The following TBC1D32 variants were observed in gnomAD, a reference collection of about 807,000 sequenced individuals.
TBC1D32 encodes protein broad-minded.
In TBC1D32, 151 loss-of-function variants were observed where a neutral mutation model predicts 170.3. That is an observed-to-expected ratio of 0.89 (90% CI 0.78 to 1.01). The LOEUF (loss-of-function observed/expected upper bound fraction) is 1.01. Ranked by LOEUF, TBC1D32 falls within the 50% of genes least tolerant of loss-of-function variation. The pLI is 0.00. For synonymous variants in TBC1D32, 498 were observed against 488.0 expected, an observed-to-expected ratio of 1.02 and a Z score of -0.27; for missense variants, 1,464 against 1,457.1, an observed-to-expected ratio of 1.00 and a Z score of -0.08.
chr6:121,246,561 T>A (rs1797641028), intron 17 of TBC1D32, among the ~76,000 whole-genome samples: 1 of 151,656 alleles, frequency 6.6e-6, no homozygotes, highest in Admixed American at 6.6e-5. Context: ...AGGTAAATAA[T>A]TCGGGAGGTT....
chr6:121,314,668 T>C (rs1454958890), intron 3 of TBC1D32, among the ~76,000 whole-genome samples: 2 of 152,136 alleles, frequency 1.3e-5, no homozygotes, highest in African/African-American at 4.8e-5. Context: ...TACTAATTAC[T>C]GCGGAGGAAG....
chr6:121,142,142 GA>G (rs1184198567), intron 24 of TBC1D32, among the ~76,000 whole-genome samples: 2 of 152,190 alleles, frequency 1.3e-5, no homozygotes, highest in African/African-American at 2.4e-5. Context: ...AACTCTTTTT[GA>G]CCCCTAGTGC....
intron 9 of TBC1D32, 68 bp downstream of exon 9, chr6:121,303,549 C>T (rs1806802432): frequency 8.2e-7 from 1 of 1,226,106 alleles, no homozygotes; most frequent in South Asian, 2.5e-5. Context: ...AGTATTCAAA[C>T]ATTAACTATT....
At position 121,308,022 on chromosome 6, in the gene TBC1D32, C is replaced by CAG; in HGVS notation, c.642_643dup (p.Cys215SerfsTer5). Reference sequence around the variant, plus strand: ...TGAAAGAGACACGGTCAGTTTTTCGCAGAGAGTAGTCCAATTTTCACAGTT... The same window carrying CAG: ...TGAAAGAGACACGGTCAGTTTTTCGCAGAGAGAGTAGTCCAATTTTCACAGTT... On this transcript the variant is annotated frameshift_variant, in exon 5 of 32. Transcript: ENST00000398212. LOFTEE classifies it high-confidence loss of function. The CAG allele has an allele frequency of 1.9e-6, 3 of 1,613,812 alleles. No homozygotes were observed. Among genetic ancestry groups the CAG allele is most frequent in the Non-Finnish European group, 2.5e-6 (3 of 1,179,860 alleles).
At chr6:121,318,724 T>G (rs1809269348) in intron 2 of TBC1D32, among the ~76,000 whole-genome samples, 1 of 150,660 alleles carries the variant, frequency 6.6e-6, no homozygotes, top group African/African-American at 2.4e-5. Flanking sequence ...TATGTTTATG[T>G]GTATATATAT....
intron 22 of TBC1D32, among the ~76,000 whole-genome samples, chr6:121,169,106 G>C (rs1050427107): frequency 6.6e-6 from 1 of 152,052 alleles, no homozygotes; most frequent in Non-Finnish European, 1.5e-5. Flanking sequence ...ACCTCAAATA[G>C]CCAACACAAT....
chr6:121,306,965 CT>C (rs1807410122), intron 5 of TBC1D32, among the ~76,000 whole-genome samples: 1 of 152,108 alleles, frequency 6.6e-6, no homozygotes, highest in Non-Finnish European at 1.5e-5. Context: ...TTTATAAGCC[CT>C]TTCGAATAAA....
intron 21 of TBC1D32, among the ~76,000 whole-genome samples, chr6:121,220,129 T>G (rs948071335): frequency 3.5e-4 from 54 of 152,288 alleles, no homozygotes; most frequent in African/African-American, 1.2e-3. Context: ...AAAGGAAAAG[T>G]TGAGTGTCTC....
chr6:121,143,737 T>A (rs1211482929), intron 24 of TBC1D32, among the ~76,000 whole-genome samples: 1 of 152,198 alleles, frequency 6.6e-6, no homozygotes, highest in African/African-American at 2.4e-5. Flanking sequence ...TAGTATTTTT[T>A]AAAGTGCACT....
chr6:121,287,297 G>A (rs1420591334), intron 12 of TBC1D32, among the ~76,000 whole-genome samples: 1 of 152,062 alleles, frequency 6.6e-6, no homozygotes, highest in Non-Finnish European at 1.5e-5. Context: ...AAAATAAAAG[G>A]ATGAAGGAAG....
chr6:121,197,215 A>G (rs1014175249), intron 22 of TBC1D32, among the ~76,000 whole-genome samples: 3 of 152,210 alleles, frequency 2.0e-5, no homozygotes, highest in Admixed American at 2.0e-4. Flanking sequence ...CCATTAGGGC[A>G]TCTCTTAGTA....
intron 15 of TBC1D32, among the ~76,000 whole-genome samples, chr6:121,269,418 T>C (rs1354361074): frequency 6.8e-6 from 1 of 146,804 alleles, no homozygotes; most frequent in African/African-American, 2.4e-5. Flanking sequence ...TGGAGGAAGA[T>C]CTACCAAGCA....
chr6:121,091,525 A>C (rs1197114987), intron 30 of TBC1D32, among the ~76,000 whole-genome samples: 1 of 152,234 alleles, frequency 6.6e-6, no homozygotes, highest in Non-Finnish European at 1.5e-5. Context: ...ACGGAATTAC[A>C]TAACATAAAA....
At chr6:121,288,557 C>T (rs1804276240) in intron 12 of TBC1D32, among the ~76,000 whole-genome samples, 1 of 152,046 alleles carries the variant, frequency 6.6e-6, no homozygotes, top group Non-Finnish European at 1.5e-5. Context: ...GATTCACAGC[C>T]GAATTCTACC....
Position 121,304,746 on chromosome 6 carries a change from C to A in TBC1D32, c.769+9G>T, listed in dbSNP as rs1205164561. The A allele has an allele frequency of 2.5e-6, 4 of 1,585,380 alleles. No homozygotes were observed. In the South Asian group the frequency reaches 4.6e-5, roughly 18 times the overall value. ...CAAAAAACATTTTTAAATGTTTTCA[C>A]AAACATACCTAAGCTTGTATAAATT... On this transcript the variant is annotated intron_variant, in intron 6 of 31. Coordinates refer to ENST00000398212, the MANE Select transcript of TBC1D32 (RefSeq NM_152730.6).
chr6:121,091,748 G>A (rs1776824070), intron 30 of TBC1D32, among the ~76,000 whole-genome samples: 1 of 152,050 alleles, frequency 6.6e-6, no homozygotes, highest in African/African-American at 2.4e-5. Context: ...GGGTAAAGTT[G>A]AGCCCCACTC....
chr6:121,123,800 A>G (rs555948663), intron 26 of TBC1D32, among the ~76,000 whole-genome samples: 2 of 151,536 alleles, frequency 1.3e-5, no homozygotes, highest in African/African-American at 2.4e-5. Flanking sequence ...CTCTTCCTCT[A>G]TCCTTTCTTA....
intron 30 of TBC1D32, among the ~76,000 whole-genome samples, chr6:121,091,438 T>A (rs1043514732): frequency 1.5e-4 from 23 of 152,144 alleles, no homozygotes; most frequent in Admixed American, 1.3e-4. Context: ...AGATGTATAA[T>A]TATGCAGATG....
chr6:121,205,082 CA>C lies in TBC1D32; in HGVS notation c.2562del (p.Phe854LeufsTer3). On this transcript the variant is annotated frameshift_variant, in exon 22 of 32. Coordinates refer to ENST00000398212, the MANE Select transcript of TBC1D32 (RefSeq NM_152730.6). LOFTEE classifies it high-confidence loss of function. ...SLFNYEQSHIFGLRDFIIDGL... is the reference protein window; with the variant it reads ...SLFNYEQSHIXGLRDFIIDGL... The stretch of plus-strand genomic sequence containing the variant: ...TAAAATGTAGCATTTTACCTTAGAC[CA>C]AAGATATGTGATTGTTCATAGTTGA... 1.3e-6 allele frequency: 2 copies of C among 1,504,044 alleles called. No individual in the cohort carries two copies. Among genetic ancestry groups the C allele is most frequent in the Admixed American group, 2.2e-5 (1 of 44,754 alleles). 93.2% of individuals were successfully genotyped at this position (1,504,044 alleles called of 1,614,324 possible).
Sources: allele counts gnomAD v4.1 joint callset (sites outside exome capture counted in the v4.1 genomes callset), GRCh38; gene constraint gnomAD v4.1.1; transcripts MANE v1.5; gene names NCBI Gene and HGNC (gene_info 2026-07-23, HGNC 2026-07-21).